PSMD12: variants seen among roughly 807,000 people sequenced by gnomAD.
The protein encoded by PSMD12 is proteasome 26S subunit, non-ATPase 12.
Under a neutral mutation model 62.9 loss-of-function variants are expected in PSMD12, and 8 were observed. The ratio of observed to expected loss-of-function variants is 0.13; its 90% CI spans 0.07 to 0.23. The LOEUF is 0.23. Among genes scored for constraint, PSMD12 ranks in the 10% least tolerant of loss-of-function variants. The pLI, the probability that PSMD12 is intolerant of heterozygous loss-of-function variation, is 1.00. For missense variants in PSMD12, 424 were observed against 550.2 expected (o/e 0.77, Z 2.29); for synonymous variants, 173 against 187.4 (o/e 0.92, Z 0.63).
At chr17:67,361,576 G>A (rs62085808) in intron 1 of PSMD12, among the ~76,000 whole-genome samples, 37,358 of 151,346 alleles carry the variant, frequency 0.25, 4,815 homozygotes, top group Middle Eastern at 0.32. Flanking sequence ...AGCGAAACTC[G>A]GTCTAAAAAA....
rs1038468795 is a variant in PSMD12, at chr17:67,338,529, A to G, written c.*2314T>C. 3.3e-5 allele frequency: 5 copies of G among 152,228 alleles called. No homozygotes were observed. Among genetic ancestry groups the G allele is most frequent in the African/African-American group, 1.2e-4 (5 of 41,456 alleles). 9.4% of individuals were successfully genotyped at this position (152,228 alleles called of 1,614,324 possible). On this transcript the variant is annotated 3_prime_UTR_variant, in exon 11 of 11. Coordinates refer to ENST00000356126, the MANE Select transcript of PSMD12 (RefSeq NM_002816.5). The stretch of plus-strand genomic sequence containing the variant: ...CAGTTACAAATAGCACTGAATCATA[A>G]TACACAAAGAGCCTAGTGTGTGTTA...
intron 8 of PSMD12, chr17:67,345,491 A>T (rs2041956083): frequency 1.1e-5 from 4 of 360,736 alleles, no homozygotes; most frequent in Admixed American, 7.7e-5. Flanking sequence ...AAAATACAAA[A>T]ATTAGCTCGG....
rs71368819 is a variant in PSMD12, at chr17:67,341,469, CAAAAAAAAAAAAA to C, written c.1162-430_1162-418del. ...TGGGCGACAAGGTGAGACTCTGCCT[CAAAAAAAAAAAAA>C]AAAAAAAAAAAAGAGTTAGCAACTG... On this transcript the variant is annotated intron_variant, in intron 10 of 10. Coordinates refer to ENST00000356126, the MANE Select transcript of PSMD12 (RefSeq NM_002816.5). Among the ~76,000 whole-genome samples, 9 of 51,144 alleles carry C rather than the reference CAAAAAAAAAAAAA, an allele frequency of 1.8e-4. 1 individual carries two copies. Among genetic ancestry groups the C allele is most frequent in the African/African-American group, 5.8e-4 (7 of 12,090 alleles). The allele number at this position is 51,144 out of a possible 152,430, so 33.6% of individuals were successfully genotyped here. A position where few individuals can be genotyped will look rare whatever the true frequency, so the allele number is the denominator to read the frequency against.
chr17:67,365,297 C>T (rs1213243031), intron 1 of PSMD12, among the ~76,000 whole-genome samples: 2 of 151,796 alleles, frequency 1.3e-5, no homozygotes, highest in Non-Finnish European at 1.5e-5. Context: ...CCTGGGTTTG[C>T]TTCTTGGCTT....
At chr17:67,341,940 A>G (rs1369701960) in intron 10 of PSMD12, among the ~76,000 whole-genome samples, 1 of 152,170 alleles carries the variant, frequency 6.6e-6, no homozygotes, top group Admixed American at 6.5e-5. Flanking sequence ...ACTTGGGTTA[A>G]CTCCTCTTTG....
intron 7 of PSMD12, 28 bp from the exon 8 acceptor site, chr17:67,345,885 G>C: frequency 1.3e-6 from 2 of 1,548,506 alleles, no homozygotes; most frequent in South Asian, 2.2e-5. Flanking sequence ...CAAGTTATAT[G>C]CAAGACTGGA....
At chr17:67,362,203 A>C (rs1450046944) in intron 1 of PSMD12, among the ~76,000 whole-genome samples, 4 of 152,220 alleles carry the variant, frequency 2.6e-5, no homozygotes. Context: ...TCAGTATATT[A>C]AGAACTGCTA....
rs1469366226 is a variant in PSMD12 at position 67,338,956 on chromosome 17, A to G, written c.*1887T>C. The G allele has an allele frequency of 6.6e-6, 1 of 152,228 alleles. No homozygotes were observed. The highest frequency in any genetic ancestry group is 1.5e-5 in the Non-Finnish European group (1 of 68,038). The allele number at this position is 152,228 out of a possible 1,614,324, so 9.4% of individuals were successfully genotyped here. ...ACAAGCCCACAGGTAATGAGTCTCTAGAAAGATGAAGTTATTGAGAAGCTA... is the reference window on the plus strand; with the variant it reads ...ACAAGCCCACAGGTAATGAGTCTCTGGAAAGATGAAGTTATTGAGAAGCTA... On this transcript the variant is annotated 3_prime_UTR_variant, in exon 11 of 11. Transcript: ENST00000356126.
chr17:67,351,675 A>G (rs1399349123), intron 3 of PSMD12, among the ~76,000 whole-genome samples: 2 of 152,030 alleles, frequency 1.3e-5, no homozygotes, highest in Non-Finnish European at 2.9e-5. Context: ...TAGCGAACCT[A>G]TCACCCAAAC....
rs532415450 is a variant in PSMD12, at chr17:67,357,483, T to A, written c.168+36A>T. ...TTAATGGAAGAATGTTCAATGAAAT[T>A]AATGGTAACTGAGCTTTCCCCTGTA... On this transcript the variant is annotated intron_variant, in intron 2 of 10. Transcript: ENST00000356126. 3.7e-6 allele frequency: 6 copies of A among 1,612,826 alleles called. No individual in the cohort carries two copies. The South Asian group carries it at 6.6e-5, about 18-fold the overall frequency.
Position 67,347,321 on chromosome 17 carries a change from C to A in PSMD12, c.660+15G>T. 1.2e-6 allele frequency: 2 copies of A among 1,612,392 alleles called. No homozygotes were observed. The highest frequency in any genetic ancestry group is 2.2e-5 in the South Asian group (2 of 90,930). On this transcript the variant is annotated intron_variant, in intron 6 of 10. Coordinates refer to ENST00000356126, the MANE Select transcript of PSMD12 (RefSeq NM_002816.5). ...CATACTTTTAAAGTAAACATGTGGT[C>A]ACAGATATGCTCACCTCTGTATTTT...
intron 1 of PSMD12, among the ~76,000 whole-genome samples, chr17:67,359,834 A>G (rs1012877900): frequency 1.3e-5 from 2 of 152,162 alleles, no homozygotes; most frequent in Non-Finnish European, 1.5e-5. Context: ...TCATCAGAGG[A>G]AAAAAACAAT....
chr17:67,344,762 A>G lies in PSMD12; in HGVS notation c.927T>C (p.Phe309=), dbSNP rs142928637. 5 of 1,586,918 alleles carry G rather than the reference A, an allele frequency of 3.2e-6. No homozygotes were observed. In the African/African-American group the frequency reaches 5.4e-5, roughly 17 times the overall value. The part of the protein sequence containing the change: ...IPKYKDLLKL[F]TTMELMRWST... Reference sequence around the variant, plus strand: ...ACCAACGCATCAACTCCATTGTGGTAAAAAGCTTTAAAAGATCCCTGAAAA... The same window carrying G: ...ACCAACGCATCAACTCCATTGTGGTGAAAAGCTTTAAAAGATCCCTGAAAA... Residue 309 remains phenylalanine (F), a synonymous_variant, in exon 9 of 11, where the codon TTT becomes TTC. Transcript: ENST00000356126.
intron 3 of PSMD12, among the ~76,000 whole-genome samples, chr17:67,354,389 G>A (rs1284689569): frequency 1.3e-5 from 2 of 150,356 alleles, no homozygotes; most frequent in East Asian, 2.0e-4. Context: ...TAGCCTGGGC[G>A]ACAGAGACTG....
At chr17:67,346,385 T>C (rs2041966832) in intron 7 of PSMD12, among the ~76,000 whole-genome samples, 1 of 135,484 alleles carries the variant, frequency 7.4e-6, no homozygotes, top group South Asian at 2.5e-4. Context: ...AGAGTGAGAC[T>C]CTGTCTCAAA....
Position 67,357,404 on chromosome 17 carries a change from T to C in PSMD12, c.196A>G (p.Ile66Val). Residue 66 changes from isoleucine (I) to valine (V), a missense_variant, in exon 3 of 11, where the codon ATC (isoleucine) becomes GTC (valine). By Grantham distance (29) the Ile-to-Val change is conservative. Transcript: ENST00000356126. ...CACATCTTCACTACTGCAACTAAGA[T>C]ACGGGATGTCGATACCATATCGGAA... ...TASDMVSTSR[I>V]LVAVVKMCYE... The C allele has an allele frequency of 6.2e-7, 1 of 1,613,656 alleles. No individual in the cohort carries two copies. Among genetic ancestry groups the C allele is most frequent in the Non-Finnish European group, 8.5e-7 (1 of 1,179,594 alleles).
chr17:67,344,878 G>T, intron 8 of PSMD12, 98 bp from the exon 9 acceptor site: 1 of 1,040,222 alleles, frequency 9.6e-7, no homozygotes, highest in Non-Finnish European at 1.3e-6. Context: ...GACTGTTTTC[G>T]TTAAATTTTA....
chr17:67,343,373 CTTAT>C (rs1347296909), intron 9 of PSMD12, among the ~76,000 whole-genome samples: 1 of 152,148 alleles, frequency 6.6e-6, no homozygotes, highest in Non-Finnish European at 1.5e-5. Context: ...TGGCTACTGC[CTTAT>C]TTAAAATCCA....
intron 1 of PSMD12, among the ~76,000 whole-genome samples, chr17:67,360,738 C>G (rs1005062656): frequency 6.6e-6 from 1 of 152,174 alleles, no homozygotes; most frequent in Non-Finnish European, 1.5e-5. Context: ...CTTGTCACTT[C>G]TCTTTGCACC....
Sources: allele counts gnomAD v4.1 joint callset (sites outside exome capture counted in the v4.1 genomes callset), GRCh38; gene constraint gnomAD v4.1.1; transcripts MANE v1.5; gene names NCBI Gene and HGNC (gene_info 2026-07-23, HGNC 2026-07-21).